The following FOXN3 variants were observed in gnomAD, a reference collection of about 807,000 sequenced individuals.
FOXN3 encodes forkhead box N3.
FOXN3 carries 7 observed loss-of-function variants against 38.4 expected under a neutral mutation model. The ratio of observed to expected loss-of-function variants is 0.18; its 90% CI spans 0.10 to 0.34. The LOEUF is 0.34. Among genes scored for constraint, FOXN3 ranks in the 10% least tolerant of loss-of-function variants. The pLI is 1.00. For synonymous variants in FOXN3, 230 were observed against 242.2 expected, an observed-to-expected ratio of 0.95 and a Z score of 0.47; for missense variants, 456 against 613.4, an observed-to-expected ratio of 0.74 and a Z score of 2.71.
intron 1 of FOXN3, among the ~76,000 whole-genome samples, chr14:89,604,807 A>G (rs896264486): frequency 2.6e-5 from 4 of 152,244 alleles, no homozygotes; most frequent in African/African-American, 9.6e-5. Flanking sequence ...TTGGAGAAAG[A>G]ATACCTTCAA....
chr14:89,309,712 C>T (rs1253584232), intron 3 of FOXN3, among the ~76,000 whole-genome samples: 1 of 152,080 alleles, frequency 6.6e-6, no homozygotes, highest in African/African-American at 2.4e-5. Flanking sequence ...CACAGGGGTG[C>T]GACGGAACCA....
At position 89,167,042 on chromosome 14, in the gene FOXN3, A is replaced by T. The variant is rs75941062; in HGVS notation, c.852-4073T>A. 7.9e-3 allele frequency among the ~76,000 whole-genome samples: 1,201 copies of T among 152,366 alleles called. 12 individuals are homozygous for T. Among genetic ancestry groups the T allele is most frequent in the African/African-American group, 0.028 (1,144 of 41,586 alleles). On this transcript the variant is annotated intron_variant, in intron 5 of 5. Transcript: ENST00000557258. ...CAATTTTTCAGTTTTAGCTGAATTT[A>T]TGTGTAACGATATTGCAATTAGCAT...
chr14:89,424,333 C>T (rs1348400072), intron 1 of FOXN3, among the ~76,000 whole-genome samples: 1 of 152,138 alleles, frequency 6.6e-6, no homozygotes, highest in Non-Finnish European at 1.5e-5. Context: ...GTTGGCAAAG[C>T]GCTTCACAAA....
At chr14:89,204,251 T>C (rs912558274) in intron 4 of FOXN3, among the ~76,000 whole-genome samples, 5 of 152,146 alleles carry the variant, frequency 3.3e-5, no homozygotes, top group Admixed American at 2.6e-4. Flanking sequence ...CTGTCCACAC[T>C]GAGAGCCACT....
intron 4 of FOXN3, among the ~76,000 whole-genome samples, chr14:89,269,990 C>A (rs1039816026): frequency 2.0e-5 from 3 of 152,192 alleles, no homozygotes; most frequent in African/African-American, 7.2e-5. Flanking sequence ...TTGGAAAACC[C>A]TCCATGTCAC....
intron 1 of FOXN3, among the ~76,000 whole-genome samples, chr14:89,574,419 G>T (rs567852568): frequency 1.3e-5 from 2 of 152,298 alleles, no homozygotes; most frequent in South Asian, 4.1e-4. Flanking sequence ...ATAATGGCCT[G>T]GCAGGGATAC....
At chr14:89,411,869 A>C in intron 2 of FOXN3, 65 bp downstream of exon 2, 1 of 1,101,324 alleles carries the variant, frequency 9.1e-7, no homozygotes, top group Non-Finnish European at 1.2e-6. Flanking sequence ...TTCATTTTTA[A>C]TAGAGAAAAA....
chr14:89,188,224 C>T (rs903249923), intron 4 of FOXN3, among the ~76,000 whole-genome samples: 17 of 152,248 alleles, frequency 1.1e-4, no homozygotes, highest in African/African-American at 2.9e-4. Context: ...TAAATAGGAC[C>T]GTGGCTACCC....
intron 3 of FOXN3, among the ~76,000 whole-genome samples, chr14:89,283,884 A>G (rs905085387): frequency 1.3e-5 from 2 of 152,156 alleles, no homozygotes; most frequent in African/African-American, 4.8e-5. Context: ...GTTTTTTGAC[A>G]GAGTCTCGCT....
chr14:89,211,990 A>G (rs188347791), intron 4 of FOXN3, among the ~76,000 whole-genome samples: 26 of 152,228 alleles, frequency 1.7e-4, no homozygotes, highest in African/African-American at 5.8e-4. Flanking sequence ...CTATAAGAGT[A>G]GCATAAGTAG....
chr14:89,431,540 T>G (rs530154792), intron 1 of FOXN3, among the ~76,000 whole-genome samples: 32 of 152,298 alleles, frequency 2.1e-4, no homozygotes, highest in African/African-American at 7.7e-4. Flanking sequence ...TTTCTGTAGC[T>G]AGTCAAAAGC....
chr14:89,502,306 G>C (rs767767438), intron 1 of FOXN3, among the ~76,000 whole-genome samples: 1 of 152,180 alleles, frequency 6.6e-6, no homozygotes, highest in Non-Finnish European at 1.5e-5. Flanking sequence ...GGAGAGACAA[G>C]GTGCAGGATT....
intron 1 of FOXN3, among the ~76,000 whole-genome samples, chr14:89,500,757 T>C (rs1020651494): frequency 5.9e-5 from 9 of 152,212 alleles, no homozygotes; most frequent in African/African-American, 1.7e-4. Context: ...GCTTTGTTCC[T>C]GGAGCAGCCA....
At chr14:89,193,973 T>C (rs1888031989) in intron 4 of FOXN3, among the ~76,000 whole-genome samples, 1 of 152,240 alleles carries the variant, frequency 6.6e-6, no homozygotes, top group African/African-American at 2.4e-5. Flanking sequence ...ATGTGCTTGA[T>C]GGCCATTCGT....
intron 3 of FOXN3, among the ~76,000 whole-genome samples, chr14:89,287,545 C>A (rs1327076063): frequency 6.6e-6 from 1 of 152,094 alleles, no homozygotes; most frequent in Non-Finnish European, 1.5e-5. Flanking sequence ...AGGTGGGCAC[C>A]AGCACTTCCT....
intron 1 of FOXN3, among the ~76,000 whole-genome samples, chr14:89,580,390 AACC>A (rs1468633902): frequency 6.6e-6 from 1 of 152,262 alleles, no homozygotes; most frequent in African/African-American, 2.4e-5. Flanking sequence ...GCTCGAAGGA[AACC>A]ACCACCAAGG....
intron 1 of FOXN3, among the ~76,000 whole-genome samples, chr14:89,538,993 G>A (rs564541979): frequency 6.6e-6 from 1 of 151,988 alleles, no homozygotes; most frequent in Non-Finnish European, 1.5e-5. Flanking sequence ...ATAGGCGCCC[G>A]CCACCACGTC....
At chr14:89,591,445 T>C (rs985526363) in intron 1 of FOXN3, among the ~76,000 whole-genome samples, 7 of 152,190 alleles carry the variant, frequency 4.6e-5, no homozygotes, top group African/African-American at 1.7e-4. Flanking sequence ...GAGATACTGA[T>C]ATTTGAGGAA....
rs12435457 is a variant in FOXN3 at position 89,378,076 on chromosome 14, A to G, written c.544-27268T>C. On this transcript the variant is annotated intron_variant, in intron 2 of 5. Coordinates refer to ENST00000557258, the MANE Select transcript of FOXN3 (RefSeq NM_005197.4). ...ATAAATTCCTTTTATTAAGCCAACC[A>G]GGCTGTGGTACTTTGTTATGTCTGC... Among the ~76,000 whole-genome samples the G allele has an allele frequency of 4.6e-3, 702 of 152,358 alleles. 6 individuals are homozygous for G. Among genetic ancestry groups the G allele is most frequent in the African/African-American group, 0.016 (662 of 41,582 alleles).
Sources: gnomAD v4.1 joint callset for allele counts (sites outside exome capture counted in the v4.1 genomes callset) on GRCh38, gnomAD v4.1.1 for gene constraint, MANE v1.5 for transcripts, NCBI Gene and HGNC (gene_info 2026-07-23, HGNC 2026-07-21) for gene names.